Variants in LRRC1 observed in about 807,000 individuals in gnomAD.
LRRC1 encodes the protein leucine rich repeat containing 1.
A neutral mutation model predicts 69.9 loss-of-function variants in LRRC1; 28 were observed. The observed-to-expected ratio is 0.40, with a 90% CI of 0.30 to 0.55. LRRC1 has a LOEUF of 0.55. Ranked by LOEUF, LRRC1 falls within the 20% of genes least tolerant of loss-of-function variation. LRRC1 has a pLI of 0.47. For missense variants in LRRC1, 498 were observed against 609.0 expected (o/e 0.82, Z 1.92); for synonymous variants, 236 against 240.2 (o/e 0.98, Z 0.16).
intron 1 of LRRC1, among the ~76,000 whole-genome samples, chr6:53,829,950 C>T (rs949796554): frequency 1.3e-5 from 2 of 152,204 alleles, no homozygotes; most frequent in African/African-American, 4.8e-5. Context: ...AGAGAGGTTT[C>T]TGACTCAGAG....
intron 11 of LRRC1, among the ~76,000 whole-genome samples, chr6:53,918,559 G>A (rs1426394418): frequency 6.6e-6 from 1 of 152,090 alleles, no homozygotes; most frequent in Non-Finnish European, 1.5e-5. Context: ...CATATCTTTA[G>A]AGAGTTCTAG....
chr6:53,877,005 G>A (rs1767093527), intron 2 of LRRC1, among the ~76,000 whole-genome samples: 1 of 152,222 alleles, frequency 6.6e-6, no homozygotes. Flanking sequence ...CCTAGCAGAG[G>A]TTTCCCACGA....
chr6:53,828,831 A>G (rs1222801816), intron 1 of LRRC1, among the ~76,000 whole-genome samples: 1 of 152,152 alleles, frequency 6.6e-6, no homozygotes. Flanking sequence ...AAAAGTTGGC[A>G]TGATTCTTGT....
intron 2 of LRRC1, among the ~76,000 whole-genome samples, chr6:53,873,377 C>T (rs1301441338): frequency 1.7e-4 from 25 of 151,138 alleles, no homozygotes; most frequent in Admixed American, 6.6e-4. Flanking sequence ...CTACAAGCTC[C>T]GCCTCCTGGG....
intron 1 of LRRC1, among the ~76,000 whole-genome samples, chr6:53,801,608 T>C (rs2127402155): frequency 6.6e-6 from 1 of 152,280 alleles, no homozygotes; most frequent in African/African-American, 2.4e-5. Flanking sequence ...TTTCCTGTGT[T>C]AGTCCCCCAC....
intron 1 of LRRC1, among the ~76,000 whole-genome samples, chr6:53,819,949 C>G (rs996549148): frequency 1.3e-5 from 2 of 152,126 alleles, no homozygotes; most frequent in African/African-American, 4.8e-5. Flanking sequence ...ATGTATAACT[C>G]TTGGATTCAC....
chr6:53,885,202 A>G (rs1376911365), intron 4 of LRRC1, among the ~76,000 whole-genome samples: 8 of 152,230 alleles, frequency 5.3e-5, no homozygotes, highest in Non-Finnish European at 1.2e-4. Context: ...CTGGTGTCCA[A>G]GACCTTTTGG....
intron 1 of LRRC1, among the ~76,000 whole-genome samples, chr6:53,818,983 G>T (rs1226266852): frequency 6.6e-6 from 1 of 152,176 alleles, no homozygotes; most frequent in Non-Finnish European, 1.5e-5. Context: ...TAAGAGTACA[G>T]GACTGTGGGG....
At position 53,919,531 on chromosome 6, in the gene LRRC1, G is replaced by A. The variant is rs1768676349; in HGVS notation, c.1140G>A (p.Leu380=). 6.2e-6 allele frequency: 10 copies of A among 1,602,538 alleles called. No homozygotes were observed. The highest frequency in any genetic ancestry group is 6.8e-6 in the Non-Finnish European group (8 of 1,175,712). ...LLHLPLSLTA[L]KLKALWLSDN... The stretch of plus-strand genomic sequence containing the variant: ...ATCTACCTTTATCCCTGACTGCCTT[G>A]AAGTTGAAGGCTCTGTGGCTATCTG... Residue 380 remains leucine, a synonymous_variant, in exon 12 of 14, where the codon TTG becomes TTA. Transcript: ENST00000370888.
chr6:53,885,402 C>A (rs1767440853), intron 4 of LRRC1, among the ~76,000 whole-genome samples: 1 of 152,184 alleles, frequency 6.6e-6, no homozygotes, highest in African/African-American at 2.4e-5. Flanking sequence ...GTAACCAGTA[C>A]AACTTCTTGG....
At chr6:53,827,410 A>C (rs914996488) in intron 1 of LRRC1, among the ~76,000 whole-genome samples, 1 of 151,426 alleles carries the variant, frequency 6.6e-6, no homozygotes, top group Non-Finnish European at 1.5e-5. Flanking sequence ...ATTCTGAGGG[A>C]TGCCTTAGTG....
At chr6:53,804,351 A>G (rs1305761651) in intron 1 of LRRC1, among the ~76,000 whole-genome samples, 1 of 152,234 alleles carries the variant, frequency 6.6e-6, no homozygotes, top group Non-Finnish European at 1.5e-5. Flanking sequence ...TCTACTTAAA[A>G]TACCCATCAC....
intron 2 of LRRC1, among the ~76,000 whole-genome samples, chr6:53,866,150 CA>C (rs1396437933): frequency 2.0e-5 from 3 of 152,136 alleles, no homozygotes; most frequent in Non-Finnish European, 4.4e-5. Flanking sequence ...AAGTGACCCA[CA>C]TGTAAAAACC....
chr6:53,825,281 G>A (rs1004173180), intron 1 of LRRC1, among the ~76,000 whole-genome samples: 2 of 152,176 alleles, frequency 1.3e-5, no homozygotes, highest in African/African-American at 4.8e-5. Context: ...GGATGTTTTT[G>A]TAGGTCTAGG....
intron 4 of LRRC1, among the ~76,000 whole-genome samples, chr6:53,895,238 AGAAATT>A (rs1470365884): frequency 2.4e-4 from 36 of 152,336 alleles, no homozygotes; most frequent in Middle Eastern, 6.8e-3. Context: ...CTTTTTAAAA[AGAAATT>A]GAAAGTTTTG....
At chr6:53,873,269 T>C (rs1766954365) in intron 2 of LRRC1, among the ~76,000 whole-genome samples, 1 of 150,724 alleles carries the variant, frequency 6.6e-6, no homozygotes, top group African/African-American at 2.4e-5. Context: ...CATTGGTGTA[T>C]AGAAGTGCTA....
chr6:53,820,712 A>G (rs1765091096), intron 1 of LRRC1, among the ~76,000 whole-genome samples: 1 of 152,122 alleles, frequency 6.6e-6, no homozygotes, highest in African/African-American at 2.4e-5. Context: ...ATGGGAAATT[A>G]TTTGTGATGT....
chr6:53,897,175 CA>C (rs1767900942), intron 6 of LRRC1, 109 bp from the exon 7 acceptor site: 1 of 721,990 alleles, frequency 1.4e-6, no homozygotes, highest in East Asian at 2.7e-5. Context: ...TACCAGTGAA[CA>C]TCTGCTAAGG....
intron 1 of LRRC1, among the ~76,000 whole-genome samples, chr6:53,821,018 CTCTT>C (rs529311173): frequency 3.1e-4 from 47 of 152,302 alleles, no homozygotes; most frequent in African/African-American, 1.1e-3. Context: ...AGCTTGTTCT[CTCTT>C]TATTATTCCA....
Sources: gnomAD v4.1 joint callset for allele counts (sites outside exome capture counted in the v4.1 genomes callset) on GRCh38, gnomAD v4.1.1 for gene constraint, MANE v1.5 for transcripts, NCBI Gene and HGNC (gene_info 2026-07-23, HGNC 2026-07-21) for gene names.